ANKRD30A: variants seen among roughly 807,000 people sequenced by gnomAD.
ANKRD30A encodes the protein ankyrin repeat domain 30A.
A neutral mutation model predicts 166.3 loss-of-function variants in ANKRD30A; 170 were observed. The observed-to-expected ratio is 1.02, with a 90% CI of 0.90 to 1.16. The LOEUF is 1.16. ANKRD30A is among the 50% of genes most tolerant of loss of function. The probability of loss-of-function intolerance (pLI) is 0.00; values close to 1 mark genes in which losing one functional copy is unlikely to be tolerated. For missense variants in ANKRD30A, 1,630 were observed against 1,518.0 expected, an observed-to-expected ratio of 1.07 and a Z score of -1.23; for synonymous variants, 564 against 508.9, an observed-to-expected ratio of 1.11 and a Z score of -1.46.
At position 37,219,228 on chromosome 10, in the gene ANKRD30A, A is replaced by G. The variant is rs775871280; in HGVS notation, c.3516A>G (p.Ile1172Met). 4.3e-6 allele frequency: 7 copies of G among 1,610,732 alleles called. No individual in the cohort carries two copies. The South Asian group carries it at 6.6e-5, about 15-fold the overall frequency. Reference protein sequence around the residue: ...SQYSGQLKVLIAENTMLTSKL... With the variant: ...SQYSGQLKVLMAENTMLTSKL... ...ATAGTGGGCAGCTTAAAGTTCTGATAGCTGAGAACACAATGCTCACTTCTA... is the reference window on the plus strand; with the variant it reads ...ATAGTGGGCAGCTTAAAGTTCTGATGGCTGAGAACACAATGCTCACTTCTA... The change falls in exon 34 of 36, where the codon ATA becomes ATG. Residue 1172 changes from isoleucine (I) to methionine (M), a missense_variant. Physicochemically the swap from Ile to Met is conservative, Grantham distance 10. Around this residue, in one of 4 missense-constraint regions of ANKRD30A, gnomAD observed 712 missense variants for 629.3 expected, o/e 1.13. Coordinates refer to ENST00000361713, the MANE Select transcript of ANKRD30A (RefSeq NM_052997.3).
intron 30 of ANKRD30A, among the ~76,000 whole-genome samples, chr10:37,200,143 A>C (rs1841503691): frequency 6.6e-6 from 1 of 152,088 alleles, no homozygotes; most frequent in South Asian, 2.1e-4. Context: ...ATCTAGATGT[A>C]CAAAAGTTCT....
the ANKRD30A span, chr10:37,241,100 C>CT: frequency 2.0e-5 from 3 of 151,830 alleles, no homozygotes; most frequent in Admixed American, 6.6e-5. Context: ...GTTCTCAACT[C>CT]TTTTTTCCTG....
At chr10:37,203,723 A>G (rs1841803436) in intron 31 of ANKRD30A, among the ~76,000 whole-genome samples, 1 of 152,222 alleles carries the variant, frequency 6.6e-6, no homozygotes, top group Non-Finnish European at 1.5e-5. Flanking sequence ...ACATGATTGT[A>G]TATTTAGAAA....
chr10:37,242,752 T>A, the ANKRD30A span, among the ~76,000 whole-genome samples: 1 of 152,158 alleles, frequency 6.6e-6, no homozygotes, highest in African/African-American at 2.4e-5. Flanking sequence ...TGACACATTT[T>A]TCTAGGTAAA....
intron 34 of ANKRD30A, among the ~76,000 whole-genome samples, chr10:37,229,816 G>GTA (rs1202071467): frequency 6.6e-6 from 1 of 151,566 alleles, no homozygotes; most frequent in East Asian, 1.9e-4. Flanking sequence ...AGTAGGGTGT[G>GTA]TATATATATA....
the ANKRD30A span, among the ~76,000 whole-genome samples, chr10:37,244,936 C>T: frequency 1.3e-5 from 2 of 152,170 alleles, no homozygotes; most frequent in Non-Finnish European, 1.5e-5. Context: ...GTTTTATCTC[C>T]ATGCTCATGA....
At chr10:37,190,258 A>G (rs1199961995) in intron 25 of ANKRD30A, among the ~76,000 whole-genome samples, 24 of 151,874 alleles carry the variant, frequency 1.6e-4, no homozygotes, top group Admixed American at 1.6e-3. Context: ...CTGCATTTTT[A>G]AAAAGTTCTC....
At chr10:37,215,498 C>G (rs1842556568) in intron 31 of ANKRD30A, among the ~76,000 whole-genome samples, 1 of 151,406 alleles carries the variant, frequency 6.6e-6, no homozygotes, top group Non-Finnish European at 1.5e-5. Flanking sequence ...TTACCAGACT[C>G]TAAGCTTCAT....
intron 2 of ANKRD30A, 31 bp downstream of exon 2, chr10:37,130,038 A>G: frequency 1.4e-6 from 2 of 1,432,016 alleles, no homozygotes; most frequent in Non-Finnish European, 9.2e-7. Context: ...TCAGCAGGAG[A>G]TGGATTTGGT....
chr10:37,219,685 C>T lies in ANKRD30A; in HGVS notation c.3973C>T (p.Gln1325Ter). Residue 1325 changes from glutamine to a stop codon, truncating the protein, a stop_gained, in exon 34 of 36, where the codon CAA becomes TAA. Coordinates refer to ENST00000361713, the MANE Select transcript of ANKRD30A (RefSeq NM_052997.3). LOFTEE classifies it high-confidence loss of function. Reference protein sequence around the residue: ...QQESLDQKLFQLQSKNMWLQQ... With the variant: ...QQESLDQKLF ...GGAGTCTCTAGATCAGAAATTATTT[C>T]AACTACAAAGCAAAAATATGTGGCT... 6.2e-7 allele frequency: 1 copy of T among 1,609,278 alleles called. No individual in the cohort carries two copies.
chr10:37,221,643 T>C (rs545246736), intron 34 of ANKRD30A, among the ~76,000 whole-genome samples: 1 of 151,380 alleles, frequency 6.6e-6, no homozygotes, highest in Non-Finnish European at 1.5e-5. Context: ...ACTGTGGCTG[T>C]CATTCTGTAA....
At chr10:37,220,727 C>G (rs1377964250) in intron 34 of ANKRD30A, among the ~76,000 whole-genome samples, 2 of 151,114 alleles carry the variant, frequency 1.3e-5, no homozygotes, top group Non-Finnish European at 1.5e-5. Context: ...TTGTAGCTCT[C>G]TGTGATTTAT....
the ANKRD30A span, among the ~76,000 whole-genome samples, chr10:37,252,877 TTTTG>T: frequency 2.0e-5 from 3 of 152,196 alleles, no homozygotes; most frequent in South Asian, 2.1e-4. Context: ...TATCTAACAA[TTTTG>T]TTTATTATGT....
chr10:37,198,856 A>C (rs1328773884), intron 29 of ANKRD30A, among the ~76,000 whole-genome samples: 1 of 152,004 alleles, frequency 6.6e-6, no homozygotes, highest in Non-Finnish European at 1.5e-5. Context: ...TTTTTCTTTA[A>C]CCTGATTCAA....
the ANKRD30A span, among the ~76,000 whole-genome samples, chr10:37,238,335 A>G: frequency 6.6e-6 from 1 of 152,094 alleles, no homozygotes; most frequent in African/African-American, 2.4e-5. Context: ...TTATTTTTTT[A>G]AATTTTGTTA....
chr10:37,162,910 T>C (rs796666631), intron 17 of ANKRD30A, 62 bp downstream of exon 17: 70 of 1,570,664 alleles, frequency 4.5e-5, no homozygotes, highest in Admixed American at 8.5e-5. Flanking sequence ...TTTGATGGTC[T>C]TTCTGTACCC....
intron 6 of ANKRD30A, among the ~76,000 whole-genome samples, chr10:37,137,306 G>A (rs990681923): frequency 5.3e-5 from 8 of 152,150 alleles, no homozygotes; most frequent in African/African-American, 1.7e-4. Context: ...AACGCAGAAA[G>A]GGATGGGTGA....
At chr10:37,226,567 A>G (rs998574013) in intron 34 of ANKRD30A, among the ~76,000 whole-genome samples, 1 of 151,872 alleles carries the variant, frequency 6.6e-6, no homozygotes, top group Non-Finnish European at 1.5e-5. Context: ...GTCTAGATAC[A>G]TCAAACATTT....
intron 34 of ANKRD30A, among the ~76,000 whole-genome samples, chr10:37,224,301 TA>T (rs1813969978): frequency 1.3e-5 from 2 of 151,262 alleles, no homozygotes; most frequent in Non-Finnish European, 3.0e-5. Flanking sequence ...TTGTTATTTT[TA>T]AACATCATCA....
Sources: allele counts gnomAD v4.1 joint callset (sites outside exome capture counted in the v4.1 genomes callset), GRCh38; gene constraint gnomAD v4.1.1; regional missense constraint gnomAD v4.1.1; transcripts MANE v1.5; gene names NCBI Gene and HGNC (gene_info 2026-07-23, HGNC 2026-07-21).